Variants in MYO18A observed in about 807,000 individuals in gnomAD.
The protein encoded by MYO18A is unconventional myosin-XVIIIa.
Under a neutral mutation model 235.8 loss-of-function variants are expected in MYO18A, and 78 were observed. The ratio of observed to expected loss-of-function variants is 0.33; its 90% CI spans 0.28 to 0.40. The LOEUF is 0.40. MYO18A is among the 10% of genes least tolerant of loss of function. The pLI, the probability that MYO18A is intolerant of heterozygous loss-of-function variation, is 1.00. For synonymous variants in MYO18A, 977 were observed against 1,077.8 expected (o/e 0.91, Z 1.83); for missense variants, 2,215 against 2,699.3 (o/e 0.82, Z 3.98).
chr17:29,115,628 C>T (rs2067040942), intron 12 of MYO18A, 36 bp downstream of exon 12: 1 of 1,555,944 alleles, frequency 6.4e-7, no homozygotes, highest in African/African-American at 1.4e-5. Context: ...GATGAGGCCT[C>T]ACACTCACAA....
chr17:29,097,398 C>G, intron 26 of MYO18A, 48 bp from the exon 27 acceptor site: 1 of 1,597,220 alleles, frequency 6.3e-7, no homozygotes. Context: ...TGAGAGTCCC[C>G]AGAAGGGGCA....
chr17:29,144,054 T>TCAGTGTGCCTGTCTCCACTCAG (rs1346296988), intron 2 of MYO18A, among the ~76,000 whole-genome samples: 1 of 152,260 alleles, frequency 6.6e-6, no homozygotes, highest in Non-Finnish European at 1.5e-5. Context: ...CACTCGTCTG[T>TCAGTGTGCCTGTCTCCACTCAG]CAGTGTGCCT....
intron 2 of MYO18A, among the ~76,000 whole-genome samples, chr17:29,130,981 G>T (rs1262505659): frequency 1.3e-5 from 2 of 152,124 alleles, no homozygotes; most frequent in Non-Finnish European, 2.9e-5. Flanking sequence ...AATCCCAACA[G>T]CTGAGCTCTC....
Position 29,085,002 on chromosome 17 carries a change from C to G in MYO18A, c.5897+602G>C, listed in dbSNP as rs181476863. On this transcript the variant is annotated intron_variant, in intron 40 of 41. Coordinates refer to ENST00000527372, the MANE Select transcript of MYO18A (RefSeq NM_078471.4). ...TGGGGCCTCCCTCTGCCCACGGTAC[C>G]GCAGGGAGTAAAGTAAACACATCTG... is the stretch of plus-strand genomic sequence containing the variant. Among the ~76,000 whole-genome samples, 183 of 152,304 alleles carry G rather than the reference C, an allele frequency of 1.2e-3. 1 individual carries two copies. Among genetic ancestry groups the G allele is most frequent in the African/African-American group, 4.1e-3 (169 of 41,556 alleles).
intron 2 of MYO18A, among the ~76,000 whole-genome samples, chr17:29,155,652 C>T (rs1375593226): frequency 3.3e-5 from 5 of 152,332 alleles, no homozygotes; most frequent in African/African-American, 4.8e-5. Flanking sequence ...GTGATGAATT[C>T]GGCAGGGCCA....
chr17:29,105,171 CAAAAAAAAA>C (rs58344909), intron 20 of MYO18A, among the ~76,000 whole-genome samples: 2 of 35,806 alleles, frequency 5.6e-5, no homozygotes, highest in African/African-American at 1.9e-4. Context: ...GACTCTGTCT[CAAAAAAAAA>C]AAAAAAAAAA....
Position 29,099,777 on chromosome 17 carries a change from G to A in MYO18A, c.3508-15C>T, listed in dbSNP as rs1792936425. ...CGGAAGAACACCTGTGAAAAAGCAGGCCAGGTGAAGGCAGGATACTGGGCC... is the reference window on the plus strand; with the variant it reads ...CGGAAGAACACCTGTGAAAAAGCAGACCAGGTGAAGGCAGGATACTGGGCC... On this transcript the variant is annotated splice_polypyrimidine_tract_variant and intron_variant, in intron 21 of 41. Coordinates refer to ENST00000527372, the MANE Select transcript of MYO18A (RefSeq NM_078471.4). 1.2e-6 allele frequency: 2 copies of A among 1,609,978 alleles called. No individual in the cohort carries two copies. The highest frequency in any genetic ancestry group is 1.7e-6 in the Non-Finnish European group (2 of 1,178,642).
chr17:29,091,209 G>A, intron 34 of MYO18A: 1 of 419,850 alleles, frequency 2.4e-6, no homozygotes, highest in Non-Finnish European at 4.4e-6. Context: ...GGCAGAAAAG[G>A]TCTGCCCAGA....
intron 2 of MYO18A, among the ~76,000 whole-genome samples, chr17:29,160,347 T>C (rs2152965971): frequency 6.6e-6 from 1 of 152,296 alleles, no homozygotes; most frequent in Non-Finnish European, 1.5e-5. Flanking sequence ...AATAGGCCTA[T>C]TTCATAGAGA....
rs1052986989 is a variant in MYO18A, at chr17:29,073,143, A to G, written c.*1627T>C. On this transcript the variant is annotated 3_prime_UTR_variant, in exon 42 of 42. Coordinates refer to ENST00000527372, the MANE Select transcript of MYO18A (RefSeq NM_078471.4). ...GGAGGGACGGAAGGAGGAAGAGAAG[A>G]GAAGAGAAGAGAATCTCTGTAATTG... The G allele has an allele frequency of 2.6e-5, 4 of 152,086 alleles. No individual in the cohort carries two copies. Among genetic ancestry groups the G allele is most frequent in the Non-Finnish European group, 5.9e-5 (4 of 68,006 alleles). The allele number at this position is 152,086 out of a possible 1,614,324, so 9.4% of individuals were successfully genotyped here.
intron 10 of MYO18A, 30 bp from the exon 11 acceptor site, chr17:29,116,485 G>T: frequency 6.2e-7 from 1 of 1,613,884 alleles, no homozygotes; most frequent in Non-Finnish European, 8.5e-7. Flanking sequence ...CATGCAGCAT[G>T]CAAAGAAAAA....
At chr17:29,147,685 T>C (rs2067876941) in intron 2 of MYO18A, among the ~76,000 whole-genome samples, 1 of 151,798 alleles carries the variant, frequency 6.6e-6, no homozygotes, top group South Asian at 2.1e-4. Context: ...GAGGATCACT[T>C]CAGACCAGGA....
At chr17:29,171,905 GAA>G (rs71762070) in intron 1 of MYO18A, among the ~76,000 whole-genome samples, 1 of 103,336 alleles carries the variant, frequency 9.7e-6, no homozygotes, top group Middle Eastern at 4.9e-3. Context: ...AAGAAAGAAA[GAA>G]AAAAAAAAAA....
At chr17:29,169,435 G>A (rs2068352170) in intron 1 of MYO18A, among the ~76,000 whole-genome samples, 1 of 152,150 alleles carries the variant, frequency 6.6e-6, no homozygotes, top group Non-Finnish European at 1.5e-5. Flanking sequence ...CACACAGCCA[G>A]GGGCCTTGGC....
intron 18 of MYO18A, 148 bp downstream of exon 18, chr17:29,110,288 A>G (rs2066897548): frequency 7.9e-7 from 1 of 1,261,382 alleles, no homozygotes; most frequent in Admixed American, 2.7e-5. Flanking sequence ...CAGCACTGAA[A>G]AGAAGACCCC....
intron 34 of MYO18A, chr17:29,091,218 G>C (rs988284447): frequency 2.0e-5 from 8 of 396,804 alleles, no homozygotes; most frequent in Admixed American, 3.9e-5. Flanking sequence ...GGTCTGCCCA[G>C]AACAAATGAC....
intron 40 of MYO18A, among the ~76,000 whole-genome samples, chr17:29,083,852 T>G (rs1225479184): frequency 1.2e-4 from 19 of 152,172 alleles, no homozygotes; most frequent in Non-Finnish European, 1.9e-4. Flanking sequence ...AGCCTGTAAT[T>G]TATCACCACC....
At chr17:29,116,407 G>C in intron 11 of MYO18A, 37 bp downstream of exon 11, 12 of 1,613,568 alleles carry the variant, frequency 7.4e-6, no homozygotes, top group Non-Finnish European at 9.3e-6. Flanking sequence ...GTCTAATCAC[G>C]GCAATTAGGG....
intron 17 of MYO18A, among the ~76,000 whole-genome samples, chr17:29,110,859 CAG>C (rs1304970177): frequency 6.6e-6 from 1 of 152,178 alleles, no homozygotes. Context: ...AGGAATCGGA[CAG>C]AGGGGATCAA....
Sources: allele counts gnomAD v4.1 joint callset (sites outside exome capture counted in the v4.1 genomes callset), GRCh38; gene constraint gnomAD v4.1.1; transcripts MANE v1.5; gene names NCBI Gene and HGNC (gene_info 2026-07-23, HGNC 2026-07-21).